The following SEPTIN14 variants were observed in gnomAD, a reference collection of about 807,000 sequenced individuals.
SEPTIN14 encodes the protein septin-14.
SEPTIN14 carries 40 observed loss-of-function variants against 53.6 expected under a neutral mutation model. The ratio of observed to expected loss-of-function variants is 0.75; its 90% CI spans 0.58 to 0.97. SEPTIN14 has a LOEUF of 0.97. Among genes scored for constraint, SEPTIN14 ranks in the 50% least tolerant of loss-of-function variants. The pLI, the probability that SEPTIN14 is intolerant of heterozygous loss-of-function variation, is 0.00. For synonymous variants in SEPTIN14, 138 were observed against 166.8 expected, an observed-to-expected ratio of 0.83 and a Z score of 1.33; for missense variants, 471 against 508.2, an observed-to-expected ratio of 0.93 and a Z score of 0.70.
chr7:55,834,398 T>G, intron 6 of SEPTIN14, 27 bp downstream of exon 6: 1 of 1,569,724 alleles, frequency 6.4e-7, no homozygotes, highest in Non-Finnish European at 8.6e-7. Flanking sequence ...TTCTAGCCTC[T>G]TTGTCAGATA....
At chr7:55,810,988 G>T in intron 7 of SEPTIN14, 1 of 429,888 alleles carries the variant, frequency 2.3e-6, no homozygotes, top group Admixed American at 2.8e-5. Context: ...TTGGATGCAG[G>T]ACATCTTTTG....
chr7:55,828,539 C>T (rs1396618971), intron 6 of SEPTIN14, among the ~76,000 whole-genome samples: 2 of 151,998 alleles, frequency 1.3e-5, no homozygotes, highest in Admixed American at 6.6e-5. Flanking sequence ...CTCCTGACCT[C>T]GTGATCCGCC....
intron 5 of SEPTIN14, among the ~76,000 whole-genome samples, chr7:55,842,236 C>A (rs967565533): frequency 6.6e-6 from 1 of 152,022 alleles, no homozygotes; most frequent in Non-Finnish European, 1.5e-5. Context: ...ATGATGAAAT[C>A]ACCTAAAGAT....
chr7:55,816,642 CAAA>C (rs763100495), intron 7 of SEPTIN14, among the ~76,000 whole-genome samples: 3 of 119,598 alleles, frequency 2.5e-5, no homozygotes, highest in East Asian at 2.4e-4. Context: ...ACTAAAAATA[CAAA>C]AAAAAAAAAA....
At chr7:55,811,947 C>G (rs1022088446) in intron 7 of SEPTIN14, among the ~76,000 whole-genome samples, 1 of 152,052 alleles carries the variant, frequency 6.6e-6, no homozygotes, top group Admixed American at 6.6e-5. Flanking sequence ...GCGCCCGCCA[C>G]CACACATGGC....
chr7:55,832,143 G>T (rs1789118296), intron 6 of SEPTIN14, among the ~76,000 whole-genome samples: 1 of 152,084 alleles, frequency 6.6e-6, no homozygotes, highest in South Asian at 2.1e-4. Flanking sequence ...AGAGGTTGCA[G>T]TGAGATGAGA....
chr7:55,814,709 G>T (rs963256505), intron 7 of SEPTIN14, among the ~76,000 whole-genome samples: 1 of 152,132 alleles, frequency 6.6e-6, no homozygotes, highest in African/African-American at 2.4e-5. Context: ...CAATAATATT[G>T]TTAAAATGTT....
At chr7:55,859,302 A>C (rs1789703544) in intron 2 of SEPTIN14, among the ~76,000 whole-genome samples, 1 of 152,166 alleles carries the variant, frequency 6.6e-6, no homozygotes, top group Non-Finnish European at 1.5e-5. Context: ...ATGGTCCAAT[A>C]TCATTCTTTT....
chr7:55,846,738 T>G, intron 2 of SEPTIN14, 101 bp from the exon 3 acceptor site: 1 of 623,008 alleles, frequency 1.6e-6, no homozygotes, highest in Non-Finnish European at 2.7e-6. Context: ...GAATTGATTA[T>G]CATTTGCTTA....
intron 6 of SEPTIN14, among the ~76,000 whole-genome samples, chr7:55,829,793 C>A (rs1789061588): frequency 8.0e-6 from 1 of 124,574 alleles, no homozygotes; most frequent in Non-Finnish European, 1.6e-5. Context: ...TGTGCTCCAG[C>A]CTGGGTGACA....
chr7:55,803,049 T>C (rs1411711277), intron 9 of SEPTIN14, among the ~76,000 whole-genome samples: 1 of 152,002 alleles, frequency 6.6e-6, no homozygotes, highest in Non-Finnish European at 1.5e-5. Context: ...GTGATTCTCC[T>C]ACCTCAGCCT....
chr7:55,859,307 TC>T (rs1401478173), intron 2 of SEPTIN14, among the ~76,000 whole-genome samples: 1 of 152,200 alleles, frequency 6.6e-6, no homozygotes, highest in Admixed American at 6.6e-5. Context: ...CCAATATCAT[TC>T]TTTTGCATAT....
At chr7:55,836,907 T>A (rs1372456811) in intron 5 of SEPTIN14, among the ~76,000 whole-genome samples, 1 of 152,114 alleles carries the variant, frequency 6.6e-6, no homozygotes, top group Non-Finnish European at 1.5e-5. Context: ...CAATATATAG[T>A]AAAAGTTGAG....
At chr7:55,811,534 C>CTCT in intron 7 of SEPTIN14, 1 of 286,518 alleles carries the variant, frequency 3.5e-6, no homozygotes, top group Non-Finnish European at 6.4e-6. Flanking sequence ...TGGAGTCTTG[C>CTCT]TCTGTTGCCC....
intron 2 of SEPTIN14, among the ~76,000 whole-genome samples, chr7:55,850,627 C>T (rs982652311): frequency 6.6e-6 from 1 of 152,102 alleles, no homozygotes; most frequent in South Asian, 2.1e-4. Context: ...TTTTTCTTAA[C>T]AACTGAAATA....
intron 7 of SEPTIN14, among the ~76,000 whole-genome samples, chr7:55,807,843 A>G (rs1401004976): frequency 6.6e-6 from 1 of 152,170 alleles, no homozygotes; most frequent in African/African-American, 2.4e-5. Flanking sequence ...ACTAAAAGAG[A>G]AGGCACGGAA....
At chr7:55,841,750 A>T (rs1437378305) in intron 5 of SEPTIN14, among the ~76,000 whole-genome samples, 1 of 151,610 alleles carries the variant, frequency 6.6e-6, no homozygotes, top group African/African-American at 2.4e-5. Flanking sequence ...ATCTACTCAG[A>T]AGGCTGAGGC....
intron 2 of SEPTIN14, among the ~76,000 whole-genome samples, chr7:55,848,049 C>A (rs1789443144): frequency 6.6e-6 from 1 of 152,034 alleles, no homozygotes; most frequent in Admixed American, 6.6e-5. Context: ...TTAAATTAAC[C>A]CGCTTTAAAA....
rs1409909847 is a variant in SEPTIN14 at position 55,793,708 on chromosome 7, GAAGTT to G, written c.*2200_*2204del. ...AGCAGTAGAATTTTGGTATGTGATT[GAAGTT>G]AAGTTGAAATAAATTCAAATCAGAA... On this transcript the variant is annotated 3_prime_UTR_variant, in exon 10 of 10. Coordinates refer to ENST00000388975, the MANE Select transcript of SEPTIN14 (RefSeq NM_207366.3). 2.6e-5 allele frequency: 4 copies of G among 152,090 alleles called. No individual in the cohort carries two copies. Among genetic ancestry groups the G allele is most frequent in the Admixed American group, 2.0e-4 (3 of 15,244 alleles). The allele number at this position is 152,090 out of a possible 1,614,324, so 9.4% of individuals were successfully genotyped here.
Sources: allele counts gnomAD v4.1 joint callset (sites outside exome capture counted in the v4.1 genomes callset), GRCh38; gene constraint gnomAD v4.1.1; transcripts MANE v1.5; gene names NCBI Gene and HGNC (gene_info 2026-07-23, HGNC 2026-07-21).